Variants in UQCC1 observed in about 807,000 individuals in gnomAD.
UQCC1 encodes bFGF-repressed Zic-binding protein.
A neutral mutation model predicts 48.0 loss-of-function variants in UQCC1; 38 were observed. The observed-to-expected ratio is 0.79, with a 90% confidence interval of 0.61 to 1.04. The LOEUF is 1.04. Among genes scored for constraint, UQCC1 ranks in the 50% least tolerant of loss-of-function variants. UQCC1 has a pLI of 0.00. For synonymous variants in UQCC1, 111 were observed against 129.2 expected (o/e 0.86, Z 0.95); for missense variants, 368 against 381.8 (o/e 0.96, Z 0.30).
At chr20:35,331,763 T>C (rs1033722511) in intron 7 of UQCC1, among the ~76,000 whole-genome samples, 3 of 152,144 alleles carry the variant, frequency 2.0e-5, no homozygotes, top group Middle Eastern at 3.2e-3. Context: ...AAAGATAGGA[T>C]CTTTGTCCTC....
At chr20:35,369,116 C>T (rs1476526102) in intron 5 of UQCC1, among the ~76,000 whole-genome samples, 1 of 152,198 alleles carries the variant, frequency 6.6e-6, no homozygotes, top group Non-Finnish European at 1.5e-5. Flanking sequence ...GGAGCCTTTC[C>T]AATTTTCTCA....
At chr20:35,331,728 T>C (rs1483105908) in intron 7 of UQCC1, among the ~76,000 whole-genome samples, 2 of 152,214 alleles carry the variant, frequency 1.3e-5, no homozygotes, top group Non-Finnish European at 2.9e-5. Context: ...GCCTTACTCA[T>C]GCCAGGCAGA....
chr20:35,320,608 C>G (rs1474479353), intron 7 of UQCC1, among the ~76,000 whole-genome samples: 3 of 152,206 alleles, frequency 2.0e-5, no homozygotes, highest in African/African-American at 7.2e-5. Context: ...GAGACAGCCA[C>G]CAGATGGGTC....
chr20:35,355,809 G>A (rs1316398790), intron 6 of UQCC1, among the ~76,000 whole-genome samples: 2 of 149,572 alleles, frequency 1.3e-5, no homozygotes, highest in Non-Finnish European at 2.9e-5. Flanking sequence ...ACAAGTTTAT[G>A]TATGTGTGTA....
chr20:35,382,085 T>A, intron 3 of UQCC1, 60 bp from the exon 4 acceptor site: 1 of 1,067,982 alleles, frequency 9.4e-7, no homozygotes, highest in Non-Finnish European at 1.4e-6. Context: ...ATAGAATGCT[T>A]TGTTCCTCAT....
At chr20:35,309,057 T>C in intron 8 of UQCC1, 1 of 442,960 alleles carries the variant, frequency 2.3e-6, no homozygotes, top group South Asian at 1.6e-5. Flanking sequence ...GCTTAGAGGC[T>C]AGCTAACTGA....
At chr20:35,339,254 G>C (rs1048933546) in intron 7 of UQCC1, among the ~76,000 whole-genome samples, 12 of 152,082 alleles carry the variant, frequency 7.9e-5, no homozygotes, top group African/African-American at 2.9e-4. Flanking sequence ...ACTACGGTAG[G>C]CATGTGGTTT....
intron 6 of UQCC1, among the ~76,000 whole-genome samples, chr20:35,360,133 T>C (rs1479827571): frequency 1.3e-5 from 2 of 152,236 alleles, no homozygotes; most frequent in African/African-American, 2.4e-5. Flanking sequence ...GGTAAAATGC[T>C]GCTGCATAGG....
chr20:35,330,519 T>C (rs186874994), intron 7 of UQCC1, among the ~76,000 whole-genome samples: 1 of 152,234 alleles, frequency 6.6e-6, no homozygotes, highest in Non-Finnish European at 1.5e-5. Flanking sequence ...AATCTAAAAT[T>C]CCTTTACATA....
chr20:35,304,084 G>GGGGGAAGGAGGAAGCGACAGAGGC lies in UQCC1; in HGVS notation c.766-39_766-16dup. The stretch of plus-strand genomic sequence containing the variant: ...AGGTACTGTATCTGCAACCAGGGGA[G>GGGGGAAGGAGGAAGCGACAGAGGC]GGGGAAGGAGGAAGCGACAGAGGCA... On this transcript the variant is annotated splice_polypyrimidine_tract_variant and intron_variant, in intron 9 of 9. Coordinates refer to ENST00000374385, the MANE Select transcript of UQCC1 (RefSeq NM_018244.5). The GGGGGAAGGAGGAAGCGACAGAGGC allele has an allele frequency of 1.2e-6, 2 of 1,613,884 alleles. No homozygotes were observed. The highest frequency in any genetic ancestry group is 1.7e-6 in the Non-Finnish European group (2 of 1,179,834).
Position 35,404,153 on chromosome 20 carries a change from G to A in UQCC1, c.24+7787C>T, listed in dbSNP as rs187831329. 5.3e-5 allele frequency among the ~76,000 whole-genome samples: 8 copies of A among 152,178 alleles called. No homozygotes were observed. In the East Asian group the frequency reaches 7.8e-4, roughly 15 times the overall value. On this transcript the variant is annotated intron_variant, in intron 1 of 9. Coordinates refer to ENST00000374385, the MANE Select transcript of UQCC1 (RefSeq NM_018244.5). ...TCCCAGCACTTTGGGAAGCCGAGGC[G>A]GGCGGATCACGAGGTCAGGAGATCG...
At chr20:35,400,233 T>A (rs1269430787) in intron 1 of UQCC1, among the ~76,000 whole-genome samples, 1 of 151,724 alleles carries the variant, frequency 6.6e-6, no homozygotes, top group African/African-American at 2.4e-5. Context: ...CCTCTACTCG[T>A]CCTTTTTCCT....
At chr20:35,373,894 G>T (rs980506813) in intron 5 of UQCC1, among the ~76,000 whole-genome samples, 9 of 152,124 alleles carry the variant, frequency 5.9e-5, no homozygotes, top group African/African-American at 2.2e-4. Context: ...AAGCAGCTGG[G>T]TACAGTGCCA....
intron 8 of UQCC1, among the ~76,000 whole-genome samples, chr20:35,311,618 C>A (rs1401202762): frequency 6.6e-6 from 1 of 152,190 alleles, no homozygotes; most frequent in East Asian, 1.9e-4. Flanking sequence ...TCAGGCCCCG[C>A]CCCAGACTTG....
At chr20:35,401,779 A>G (rs975756498) in intron 1 of UQCC1, among the ~76,000 whole-genome samples, 2 of 148,940 alleles carry the variant, frequency 1.3e-5, no homozygotes, top group Non-Finnish European at 3.0e-5. Context: ...CTCCTGCCTC[A>G]GCCTCCCGAG....
intron 1 of UQCC1, among the ~76,000 whole-genome samples, chr20:35,403,030 G>A (rs970033543): frequency 2.0e-5 from 3 of 150,760 alleles, no homozygotes; most frequent in Admixed American, 6.6e-5. Flanking sequence ...TCGCGCCATT[G>A]CACTCCAGCC....
chr20:35,328,624 A>T (rs1183436163), intron 7 of UQCC1, among the ~76,000 whole-genome samples: 1 of 152,172 alleles, frequency 6.6e-6, no homozygotes. Context: ...TCAGTATGTG[A>T]GCACTCTCAA....
rs116466813 is a variant in UQCC1, at chr20:35,332,474, G to A, written c.573+14690C>T. Among the ~76,000 whole-genome samples the A allele has an allele frequency of 4.5e-3, 688 of 152,342 alleles. 8 individuals are homozygous for A. The highest frequency in any genetic ancestry group is 0.016 in the African/African-American group (656 of 41,580). On this transcript the variant is annotated intron_variant, in intron 7 of 9. Transcript: ENST00000374385. Reference sequence around the variant, plus strand: ...GGTGGCTGCAGTGCACATGCAGTACGGTATCCTTTTCTCAGAGCCAGAGTA... The same window carrying A: ...GGTGGCTGCAGTGCACATGCAGTACAGTATCCTTTTCTCAGAGCCAGAGTA...
intron 1 of UQCC1, among the ~76,000 whole-genome samples, chr20:35,406,843 G>A (rs548795359): frequency 2.6e-5 from 4 of 152,284 alleles, no homozygotes; most frequent in Admixed American, 2.6e-4. Context: ...CAATGTTCGG[G>A]AAGGAACAGA....
Sources: gnomAD v4.1 joint callset for allele counts (sites outside exome capture counted in the v4.1 genomes callset) on GRCh38, gnomAD v4.1.1 for gene constraint, MANE v1.5 for transcripts, NCBI Gene and HGNC (gene_info 2026-07-23, HGNC 2026-07-21) for gene names.